SART1: variants seen among roughly 807,000 people sequenced by gnomAD.
The protein encoded by SART1 is spliceosome associated factor 1, recruiter of U4/U6.U5 tri-snRNP.
In SART1, 28 loss-of-function variants were observed where a neutral mutation model predicts 105.0. The observed-to-expected ratio is 0.27, with a 90% confidence interval of 0.20 to 0.37. SART1 has a LOEUF of 0.37. Ranked by LOEUF, SART1 falls within the 10% of genes least tolerant of loss-of-function variation. The pLI is 1.00. For missense variants in SART1, 894 were observed against 1,106.5 expected, an observed-to-expected ratio of 0.81 and a Z score of 2.72; for synonymous variants, 472 against 462.9, an observed-to-expected ratio of 1.02 and a Z score of -0.25.
At chr11:65,968,237 C>T (rs531718764) in intron 12 of SART1, among the ~76,000 whole-genome samples, 21 of 152,302 alleles carry the variant, frequency 1.4e-4, no homozygotes, top group African/African-American at 5.1e-4. Context: ...TGTGTGCCAC[C>T]GTGCCCAGCC....
rs542418791 is a variant in SART1, at chr11:65,978,530, A to G, written c.2173-70A>G. On this transcript the variant is annotated intron_variant, in intron 17 of 19. Coordinates refer to ENST00000312397, the MANE Select transcript of SART1 (RefSeq NM_005146.5). The surrounding 1 kb of genome is among the most constrained non-coding windows in gnomAD (Gnocchi z 6.8). ...ATCAACACCCGCCCTGTTATTATACACCTTGTGGGCACAGGTGGCTCCGGC... is the reference window on the plus strand; with the variant it reads ...ATCAACACCCGCCCTGTTATTATACGCCTTGTGGGCACAGGTGGCTCCGGC... 6 of 1,453,624 alleles carry G rather than the reference A, an allele frequency of 4.1e-6. No homozygotes were observed. The South Asian group carries it at 6.1e-5, about 15-fold the overall frequency. The allele number at this position is 1,453,624 out of a possible 1,614,324, so 90.0% of individuals were successfully genotyped here. A position where few individuals can be genotyped will look rare whatever the true frequency, so the allele number is the denominator to read the frequency against.
chr11:65,964,645 A>G lies in SART1; in HGVS notation c.427+75A>G, dbSNP rs959976941. On this transcript the variant is annotated intron_variant, in intron 3 of 19. Coordinates refer to ENST00000312397, the MANE Select transcript of SART1 (RefSeq NM_005146.5). ...GGGTCTTTGAAGAAGGTGGGGTTAG[A>G]GGGCAGGTTCAGCACTGTTTAGTGG... The G allele has an allele frequency of 2.0e-5, 30 of 1,472,422 alleles. No homozygotes were observed. In the African/African-American group the frequency reaches 2.3e-4, roughly 11 times the overall value. 91.2% of individuals were successfully genotyped at this position (1,472,422 alleles called of 1,614,324 possible).
At position 65,978,098 on chromosome 11, in the gene SART1, A is replaced by G; in HGVS notation, c.2172+199A>G. 1 of 613,368 alleles carries G rather than the reference A, an allele frequency of 1.6e-6. No homozygotes were observed. Among genetic ancestry groups the G allele is most frequent in the Non-Finnish European group, 2.8e-6 (1 of 350,916 alleles). 38.0% of individuals were successfully genotyped at this position (613,368 alleles called of 1,614,324 possible). On this transcript the variant is annotated intron_variant, in intron 17 of 19. Coordinates refer to ENST00000312397, the MANE Select transcript of SART1 (RefSeq NM_005146.5). The surrounding 1 kb of genome is among the most constrained non-coding windows in gnomAD (Gnocchi z 6.8). ...GTGCCTCAGTTTGTCTCTAGTGGGC[A>G]CAGCAGTCTCTTTGCAAGCCTGGCA... is the stretch of plus-strand genomic sequence containing the variant.
At chr11:65,963,928 G>T in intron 1 of SART1, 146 bp from the exon 2 acceptor site, 1 of 659,136 alleles carries the variant, frequency 1.5e-6, no homozygotes, top group Non-Finnish European at 2.7e-6. Context: ...TGGGGAGCTT[G>T]GGTGGAAGAA....
In SART1 at chr11:65,979,199, A is replaced by G; in HGVS notation, c.*169A>G. On this transcript the variant is annotated 3_prime_UTR_variant, in exon 20 of 20. Transcript: ENST00000312397. ...ACCTGGCCATCAAATGACACAAACA[A>G]CTAAACGATGGAAGAGAGAGCGAGC... 1.2e-6 allele frequency: 1 copy of G among 832,930 alleles called. No homozygotes were observed. The allele number at this position is 832,930 out of a possible 1,614,324, so 51.6% of individuals were successfully genotyped here.
Position 65,976,766 on chromosome 11 carries a change from T to G in SART1, c.1857T>G (p.Asp619Glu), listed in dbSNP as rs1276936003. Residue 619 changes from aspartate (D) to glutamate (E), a missense_variant and splice_region_variant, in exon 14 of 20, where the codon GAT (aspartate) becomes GAG (glutamate). This residue lies in a region of SART1 where 182 missense variants were observed against 328.3 expected (regional missense o/e 0.55). Transcript: ENST00000312397. This position sits in a 1 kb window ranked among gnomAD's most constrained non-coding sequence, Gnocchi z 5.1. ...VNLDEEKQQQ[D>E]FSASSTTILD... ...TGGACGAGGAGAAGCAGCAGCAGGA[T>G]GTGAGGGCCGCGCCGCTGGGGGGTG... 5.0e-6 allele frequency: 8 copies of G among 1,605,998 alleles called. No individual in the cohort carries two copies. The highest frequency in any genetic ancestry group is 6.8e-6 in the Non-Finnish European group (8 of 1,176,600).
chr11:65,964,573 G>C lies in SART1; in HGVS notation c.427+3G>C. Reference sequence around the variant, plus strand: ...GGAGGTTAATGCCATCAAGAAGGGTGAGTATGGGGCTGAGGATAGGGTTTG... The same window carrying C: ...GGAGGTTAATGCCATCAAGAAGGGTCAGTATGGGGCTGAGGATAGGGTTTG... On this transcript the variant is annotated splice_donor_region_variant and intron_variant, in intron 3 of 19. Transcript: ENST00000312397. The C allele has an allele frequency of 6.2e-7, 1 of 1,610,028 alleles. No individual in the cohort carries two copies. Among genetic ancestry groups the C allele is most frequent in the Non-Finnish European group, 8.5e-7 (1 of 1,178,916 alleles).
At chr11:65,974,676 C>T (rs1409060997) in intron 12 of SART1, among the ~76,000 whole-genome samples, 1 of 151,834 alleles carries the variant, frequency 6.6e-6, no homozygotes, top group African/African-American at 2.4e-5. Context: ...GAGATGGTCT[C>T]AATAAATAAG....
rs1855515741 is a variant in SART1 at position 65,977,869 on chromosome 11, T to G, written c.2142T>G (p.Asp714Glu). The change falls in exon 17 of 20, where the codon GAT (aspartate) becomes GAG (glutamate). Residue 714 changes from aspartate (D) to glutamate (E), a missense_variant. This residue lies in a region of SART1 where 182 missense variants were observed against 328.3 expected (regional missense o/e 0.55). Transcript: ENST00000312397. ...YKPDVKIEYV[D>E]ETGRKLTPKE... ...CCGACGTTAAGATCGAATACGTGGA[T>G]GAGACGGGCCGGAAACTCACACCCA... 1 of 1,613,404 alleles carries G rather than the reference T, an allele frequency of 6.2e-7. No homozygotes were observed. The highest frequency in any genetic ancestry group is 1.3e-5 in the African/African-American group (1 of 74,986).
Position 65,978,496 on chromosome 11 carries a change from T to C in SART1, c.2173-104T>C, listed in dbSNP as rs1174334923. On this transcript the variant is annotated intron_variant, in intron 17 of 19. Coordinates refer to ENST00000312397, the MANE Select transcript of SART1 (RefSeq NM_005146.5). The surrounding 1 kb of genome is among the most constrained non-coding windows in gnomAD (Gnocchi z 6.8). ...TTCCCACTGCACCCCAGGCCTGGCA[T>C]TGGGGTCAATCAACACCCGCCCTGT... 2.1e-5 allele frequency: 23 copies of C among 1,076,926 alleles called. No individual in the cohort carries two copies. The East Asian group carries it at 5.5e-4, about 26-fold the overall frequency. The allele number at this position is 1,076,926 out of a possible 1,614,324, so 66.7% of individuals were successfully genotyped here.
intron 1 of SART1, 110 bp from the exon 2 acceptor site, chr11:65,963,964 G>A (rs969068003): frequency 3.4e-5 from 29 of 848,670 alleles, no homozygotes; most frequent in Non-Finnish European, 4.9e-5. Flanking sequence ...TGTTTCAGCA[G>A]GCCCAGGTGC....
At chr11:65,965,550 G>C in intron 5 of SART1, 103 bp downstream of exon 5, 2 of 1,362,380 alleles carry the variant, frequency 1.5e-6, no homozygotes, top group Admixed American at 2.1e-5. Flanking sequence ...GCTTGGAGAA[G>C]GGAAGGGCCG....
At position 65,976,793 on chromosome 11, in the gene SART1, G is replaced by C; in HGVS notation, c.1857+27G>C. 6.5e-7 allele frequency: 1 copy of C among 1,549,058 alleles called. No individual in the cohort carries two copies. The highest frequency in any genetic ancestry group is 8.8e-7 in the Non-Finnish European group (1 of 1,137,596). On this transcript the variant is annotated intron_variant, in intron 14 of 19. Coordinates refer to ENST00000312397, the MANE Select transcript of SART1 (RefSeq NM_005146.5). This position sits in a 1 kb window ranked among gnomAD's most constrained non-coding sequence, Gnocchi z 5.1. ...TGAGGGCCGCGCCGCTGGGGGGTGG[G>C]CGTTTGGGGGTGCTCAAGCTGGAGA...
At chr11:65,967,225 C>G (rs1191140522) in intron 9 of SART1, 34 bp from the exon 10 acceptor site, 2 of 1,606,986 alleles carry the variant, frequency 1.2e-6, no homozygotes, top group Admixed American at 3.4e-5. Context: ...CTTTCTGTGG[C>G]CCCCGCTCCA....
At position 65,976,998 on chromosome 11, in the gene SART1, G is replaced by A. The variant is rs747305943; in HGVS notation, c.1858-16G>A. ...CCGGTATGGCCTGCTAACCACCCCC[G>A]CCACGTGTCCCGTAGTTCTCTGCTT... is the stretch of plus-strand genomic sequence containing the variant. On this transcript the variant is annotated splice_polypyrimidine_tract_variant and intron_variant, in intron 14 of 19. Coordinates refer to ENST00000312397, the MANE Select transcript of SART1 (RefSeq NM_005146.5). The surrounding 1 kb of genome is among the most constrained non-coding windows in gnomAD (Gnocchi z 5.1). 146 of 1,608,680 alleles carry A rather than the reference G, an allele frequency of 9.1e-5. No homozygotes were observed. Among genetic ancestry groups the A allele is most frequent in the African/African-American group, 1.2e-4 (9 of 74,814 alleles).
At position 65,977,662 on chromosome 11, in the gene SART1, G is replaced by A. The variant is rs1345524537; in HGVS notation, c.2036+9G>A. 5.0e-6 allele frequency: 8 copies of A among 1,614,032 alleles called. No individual in the cohort carries two copies. The highest frequency in any genetic ancestry group is 6.8e-6 in the Non-Finnish European group (8 of 1,179,970). On this transcript the variant is annotated intron_variant, in intron 16 of 19. Coordinates refer to ENST00000312397, the MANE Select transcript of SART1 (RefSeq NM_005146.5). ...TGCATCGAGGATAAGATGTGAGTGTGGTGGGGCCTGTGCAGGGCTGAGGGG... is the reference window on the plus strand; with the variant it reads ...TGCATCGAGGATAAGATGTGAGTGTAGTGGGGCCTGTGCAGGGCTGAGGGG...
Position 65,976,986 on chromosome 11 carries a change from C to G in SART1, c.1858-28C>G. On this transcript the variant is annotated intron_variant, in intron 14 of 19. Coordinates refer to ENST00000312397, the MANE Select transcript of SART1 (RefSeq NM_005146.5). The surrounding 1 kb of genome is among the most constrained non-coding windows in gnomAD (Gnocchi z 5.1). ...GGCTGAGAAGAGCCGGTATGGCCTG[C>G]TAACCACCCCCGCCACGTGTCCCGT... 6.3e-7 allele frequency: 1 copy of G among 1,592,834 alleles called. No individual in the cohort carries two copies. The highest frequency in any genetic ancestry group is 8.6e-7 in the Non-Finnish European group (1 of 1,161,036).
chr11:65,964,202 GC>G, intron 2 of SART1, 71 bp downstream of exon 2: 1 of 1,295,894 alleles, frequency 7.7e-7, no homozygotes, highest in Non-Finnish European at 1.1e-6. Flanking sequence ...CACGGGGGAG[GC>G]TTTCTCACAT....
intron 12 of SART1, 49 bp downstream of exon 12, chr11:65,967,870 C>G: frequency 7.0e-7 from 1 of 1,420,816 alleles, no homozygotes. Context: ...CACCTGTCCT[C>G]ACGAGCACCT....
Sources: allele counts gnomAD v4.1 joint callset (sites outside exome capture counted in the v4.1 genomes callset), GRCh38; gene constraint gnomAD v4.1.1; regional missense constraint gnomAD v4.1.1; non-coding constraint Gnocchi (gnomAD v3.1); transcripts MANE v1.5; gene names NCBI Gene and HGNC (gene_info 2026-07-23, HGNC 2026-07-21).